Variants in OIT3 observed in about 807,000 individuals in gnomAD.
The protein encoded by OIT3 is oncoprotein induced transcript 3, also known as oncoprotein-induced transcript 3 protein.
Under a neutral mutation model 52.2 loss-of-function variants are expected in OIT3, and 41 were observed. The ratio of observed to expected loss-of-function variants is 0.79; its 90% CI spans 0.61 to 1.02. The LOEUF (loss-of-function observed/expected upper bound fraction) is 1.02. Ranked by LOEUF, OIT3 falls within the 50% of genes least tolerant of loss-of-function variation. The pLI, the probability that OIT3 is intolerant of heterozygous loss-of-function variation, is 0.00. For missense variants in OIT3, 634 were observed against 715.5 expected (o/e 0.89, Z 1.30); for synonymous variants, 244 against 276.9 (o/e 0.88, Z 1.18).
chr10:72,914,828 G>A (rs766217906), intron 6 of OIT3, among the ~76,000 whole-genome samples: 6 of 152,094 alleles, frequency 3.9e-5, no homozygotes, highest in Non-Finnish European at 7.4e-5. Context: ...ACACTCCAAA[G>A]GAATATGTGG....
intron 3 of OIT3, among the ~76,000 whole-genome samples, chr10:72,901,218 T>C (rs1377843777): frequency 1.3e-5 from 2 of 152,210 alleles, no homozygotes; most frequent in Non-Finnish European, 2.9e-5. Flanking sequence ...ATTTTAAATA[T>C]GTAATTTGCT....
chr10:72,913,421 C>A lies in OIT3; in HGVS notation c.904C>A (p.His302Asn). Reference sequence around the variant, plus strand: ...CTGCCGAGGAGTGTCCAACGGCACCCATGTCAACATCCTCTTCTCTCTCAA... The same window carrying A: ...CTGCCGAGGAGTGTCCAACGGCACCAATGTCAACATCCTCTTCTCTCTCAA... The part of the protein sequence containing the change: ...TSCRGVSNGT[H>N]VNILFSLKTC... The change falls in exon 6 of 9, where the codon CAT becomes AAT. Residue 302 changes from histidine to asparagine, a missense_variant. By Grantham distance (68) the His-to-Asn change is moderately conservative. Coordinates refer to ENST00000334011, the MANE Select transcript of OIT3 (RefSeq NM_152635.3). 1 of 1,613,326 alleles carries A rather than the reference C, an allele frequency of 6.2e-7. No individual in the cohort carries two copies. The highest frequency in any genetic ancestry group is 8.5e-7 in the Non-Finnish European group (1 of 1,179,398).
chr10:72,932,346 C>G lies in OIT3; in HGVS notation c.1468-8C>G. 1 of 1,613,778 alleles carries G rather than the reference C, an allele frequency of 6.2e-7. No individual in the cohort carries two copies. The highest frequency in any genetic ancestry group is 1.1e-5 in the South Asian group (1 of 91,068). On this transcript the variant is annotated splice_polypyrimidine_tract_variant and splice_region_variant and intron_variant, in intron 8 of 8. Coordinates refer to ENST00000334011, the MANE Select transcript of OIT3 (RefSeq NM_152635.3). ...TGTTTTTATTAACAGTCGTGATCAT[C>G]TCTTCAGGAAGTGTTTCTGCACTGC...
At chr10:72,912,948 A>G (rs996365326) in intron 5 of OIT3, among the ~76,000 whole-genome samples, 3 of 152,162 alleles carry the variant, frequency 2.0e-5, no homozygotes, top group Admixed American at 6.5e-5. Context: ...CCTTAGGCCT[A>G]TATCAAAGCA....
intron 6 of OIT3, among the ~76,000 whole-genome samples, chr10:72,922,398 T>C (rs1846129464): frequency 6.6e-6 from 1 of 152,168 alleles, no homozygotes; most frequent in Admixed American, 6.5e-5. Flanking sequence ...TTTTTCTCTA[T>C]TCTTGTCTGC....
At chr10:72,906,489 GA>G in intron 3 of OIT3, 106 bp from the exon 4 acceptor site, 1 of 1,214,926 alleles carries the variant, frequency 8.2e-7, no homozygotes, top group South Asian at 1.3e-5. Context: ...CTGGATGGTG[GA>G]AGGTGCATCA....
At position 72,909,772 on chromosome 10, in the gene OIT3, G is replaced by C. The variant is rs1415834773; in HGVS notation, c.668-1945G>C. ...CCACCATGCCCTGCTAATTTTTTTT[G>C]TATTTTTAGTAGAGATGGGGTTTCA... On this transcript the variant is annotated intron_variant, in intron 4 of 8. Coordinates refer to ENST00000334011, the MANE Select transcript of OIT3 (RefSeq NM_152635.3). Among the ~76,000 whole-genome samples, 7 of 151,504 alleles carry C rather than the reference G, an allele frequency of 4.6e-5. No individual in the cohort carries two copies. The East Asian group carries it at 1.4e-3, about 30-fold the overall frequency.
At chr10:72,926,638 T>G (rs1450865472) in intron 7 of OIT3, among the ~76,000 whole-genome samples, 1 of 152,188 alleles carries the variant, frequency 6.6e-6, no homozygotes, top group Non-Finnish European at 1.5e-5. Flanking sequence ...CTTAAGCTCA[T>G]TTTCATAATA....
intron 5 of OIT3, 144 bp downstream of exon 5, chr10:72,911,983 T>G: frequency 1.6e-6 from 1 of 630,208 alleles, no homozygotes. Flanking sequence ...TGCTGAATCA[T>G]CACTCTGGAA....
At chr10:72,909,075 C>A (rs1248500195) in intron 4 of OIT3, among the ~76,000 whole-genome samples, 3 of 150,506 alleles carry the variant, frequency 2.0e-5, no homozygotes, top group Non-Finnish European at 4.4e-5. Context: ...TTTTTCAATC[C>A]TCACCCTGCT....
chr10:72,901,550 C>G (rs185071116), intron 3 of OIT3, among the ~76,000 whole-genome samples: 1 of 152,226 alleles, frequency 6.6e-6, no homozygotes, highest in East Asian at 1.9e-4. Context: ...AGAACAGTAA[C>G]AGGTCAGGAT....
At chr10:72,909,029 A>T (rs1846006053) in intron 4 of OIT3, among the ~76,000 whole-genome samples, 2 of 150,538 alleles carry the variant, frequency 1.3e-5, no homozygotes, top group Admixed American at 6.6e-5. Context: ...TATTGAGCCC[A>T]TCACCCAGAT....
chr10:72,907,207 AG>A (rs1417194423), intron 4 of OIT3, among the ~76,000 whole-genome samples: 3 of 152,166 alleles, frequency 2.0e-5, no homozygotes, highest in Non-Finnish European at 4.4e-5. Flanking sequence ...CAAGAGTTTG[AG>A]GCTGCATTAA....
At position 72,898,863 on chromosome 10, in the gene OIT3, G is replaced by A. The variant is rs1415140496; in HGVS notation, c.261G>A (p.Trp87Ter). Residue 87 changes from tryptophan to a stop codon, truncating the protein, a stop_gained, in exon 2 of 9, where the codon TGG (tryptophan) becomes TGA (stop). Transcript: ENST00000334011. LOFTEE classifies it high-confidence loss of function. ...ENHCGTHAPV[W>*]LNGSHPLEGD... ...ACTGTGGAACCCACGCACCTGTCTG[G>A]CTCAATGGCAGCCACCCCCTAGAAG... The A allele has an allele frequency of 1.9e-6, 3 of 1,614,064 alleles. No individual in the cohort carries two copies. Among genetic ancestry groups the A allele is most frequent in the African/African-American group, 1.3e-5 (1 of 74,932 alleles).
rs536583092 is a variant in OIT3, at chr10:72,899,762, A to G, written c.437-615A>G. On this transcript the variant is annotated intron_variant, in intron 2 of 8. Coordinates refer to ENST00000334011, the MANE Select transcript of OIT3 (RefSeq NM_152635.3). ...ATAGATAGATAGATAGATAGATGAT[A>G]GATAGATAATCAGACATCCATGTGA... Among the ~76,000 whole-genome samples the G allele has an allele frequency of 8.4e-4, 127 of 151,104 alleles. 1 individual carries two copies. Among genetic ancestry groups the G allele is most frequent in the African/African-American group, 2.7e-3 (110 of 41,066 alleles).
At chr10:72,918,120 GTTATAC>G (rs1846089874) in intron 6 of OIT3, 1 of 1,397,974 alleles carries the variant, frequency 7.2e-7, no homozygotes, top group Non-Finnish European at 1.0e-6. Context: ...CTGCTTTCCA[GTTATAC>G]TTAAGAGTTT....
intron 4 of OIT3, 48 bp from the exon 5 acceptor site, chr10:72,911,669 G>A: frequency 1.9e-6 from 3 of 1,588,988 alleles, no homozygotes; most frequent in Non-Finnish European, 2.6e-6. Context: ...GAATTCTTGG[G>A]GTAGAGGGTT....
rs886866766 is a variant in OIT3 at position 72,899,127 on chromosome 10, G to A, written c.436+89G>A. 23 of 1,155,624 alleles carry A rather than the reference G, an allele frequency of 2.0e-5. 1 individual carries two copies. The Admixed American group carries it at 5.2e-4, about 26-fold the overall frequency. The allele number at this position is 1,155,624 out of a possible 1,614,324, so 71.6% of individuals were successfully genotyped here. On this transcript the variant is annotated intron_variant, in intron 2 of 8. Coordinates refer to ENST00000334011, the MANE Select transcript of OIT3 (RefSeq NM_152635.3). ...CAATTATAGGATATGCAGTTACAGT[G>A]GCAACTATATCTCAATCTGAACAAC...
At chr10:72,897,509 A>G (rs1845884878) in intron 1 of OIT3, among the ~76,000 whole-genome samples, 1 of 152,244 alleles carries the variant, frequency 6.6e-6, no homozygotes, top group Non-Finnish European at 1.5e-5. Context: ...CTGGTAAAAT[A>G]TATACCAAAA....
Sources: allele counts gnomAD v4.1 joint callset (sites outside exome capture counted in the v4.1 genomes callset), GRCh38; gene constraint gnomAD v4.1.1; transcripts MANE v1.5; gene names NCBI Gene and HGNC (gene_info 2026-07-23, HGNC 2026-07-21).